The following COL4A5 variants were observed in gnomAD, a reference collection of about 807,000 sequenced individuals.
The protein encoded by COL4A5 is collagen type IV alpha 5 chain, also known as collagen alpha-5(IV) chain.
In COL4A5, 26 loss-of-function variants were observed where a neutral mutation model predicts 130.2. That is an observed-to-expected ratio of 0.20 (90% CI 0.15 to 0.28). The LOEUF (loss-of-function observed/expected upper bound fraction) is 0.28, where lower values mean the gene tolerates loss of function less well. Ranked by LOEUF, COL4A5 falls within the 10% of genes least tolerant of loss-of-function variation. The pLI, the probability that COL4A5 is intolerant of heterozygous loss-of-function variation, is 1.00. For synonymous variants in COL4A5, 496 were observed against 439.6 expected (o/e 1.13, Z -1.60); for missense variants, 1,131 against 1,344.3 (o/e 0.84, Z 2.48).
At chrX:108,636,480 C>T (rs2147894640) in intron 36 of COL4A5, among the ~76,000 whole-genome samples, 1 of 110,141 alleles carries the variant, frequency 9.1e-6, no homozygotes, top group African/African-American at 3.3e-5. Flanking sequence ...TTTTCTGTTG[C>T]AAATGATACC....
chrX:108,562,602 G>T (rs1347442552), intron 3 of COL4A5, among the ~76,000 whole-genome samples: 1 of 111,357 alleles, frequency 9.0e-6, no homozygotes, highest in Non-Finnish European at 1.9e-5. Flanking sequence ...AAGGTAAACT[G>T]CTTTCTAAAC....
Position 108,559,117 on chromosome X carries a change from A to G in COL4A5, c.195A>G (p.Pro65=), listed in dbSNP as rs772246749. 4 of 1,209,102 alleles carry G rather than the reference A, an allele frequency of 3.3e-6. No individual in the cohort carries two copies. Among genetic ancestry groups the G allele is most frequent in the East Asian group, 5.9e-5 (2 of 33,759 alleles). Residue 65 remains proline (P), a synonymous_variant, in exon 3 of 53, where the codon CCA becomes CCG. Coordinates refer to ENST00000328300, the MANE Select transcript of COL4A5 (RefSeq NM_033380.3). The part of the protein sequence containing the change: ...LEGHPGLPGF[P]GPEGPPGPRG... ...GACACCCAGGATTGCCTGGATTTCC[A>G]GGTCCAGAAGGGCCTCCGGGGCCTC...
chrX:108,472,009 C>T (rs1388528763), intron 1 of COL4A5, among the ~76,000 whole-genome samples: 1 of 111,631 alleles, frequency 9.0e-6, no homozygotes, highest in African/African-American at 3.2e-5. Flanking sequence ...TCCTTCACTA[C>T]ATCCCATAAT....
rs758701037 is a variant in COL4A5, at chrX:108,481,743, G to A, written c.81+41537G>A. On this transcript the variant is annotated intron_variant, in intron 1 of 52. Transcript: ENST00000328300. The stretch of plus-strand genomic sequence containing the variant: ...CATCGAATTTAAATTTTGTAGTTGA[G>A]TGACTGCAGTTCCCACCATTAGATC... Among the ~76,000 whole-genome samples the A allele has an allele frequency of 2.7e-5, 3 of 111,586 alleles. No individual in the cohort carries two copies. The South Asian group carries it at 1.1e-3, about 42-fold the overall frequency.
At chrX:108,691,824 A>G (rs1306108480) in intron 49 of COL4A5, among the ~76,000 whole-genome samples, 1 of 111,764 alleles carries the variant, frequency 8.9e-6, no homozygotes, top group Non-Finnish European at 1.9e-5. Context: ...ATTATATTGG[A>G]TGCATTTAAA....
At position 108,626,292 on chromosome X, in the gene COL4A5, C is replaced by T. The variant is rs768698527; in HGVS notation, c.3189C>T (p.Gly1063=). ...PGSPGLPGQK[G]DKGDPGISSI... ...CCCCAGGATTACCTGGACAGAAAGG[C>T]GACAAAGGTGATCCTGGTATTTCAA... is the stretch of plus-strand genomic sequence containing the variant. The change falls in exon 36 of 53, where the codon GGC becomes GGT. Residue 1063 remains glycine, a synonymous_variant. Transcript: ENST00000328300. The T allele has an allele frequency of 1.8e-5, 22 of 1,208,661 alleles. No homozygotes were observed. Among genetic ancestry groups the T allele is most frequent in the Non-Finnish European group, 2.2e-5 (20 of 894,529 alleles).
intron 2 of COL4A5, among the ~76,000 whole-genome samples, chrX:108,557,511 TA>T (rs1279344838): frequency 1.8e-5 from 2 of 111,843 alleles, no homozygotes; most frequent in African/African-American, 6.5e-5. Flanking sequence ...TTAGCTTCAT[TA>T]ACTTTGAAAT....
intron 1 of COL4A5, among the ~76,000 whole-genome samples, chrX:108,512,541 T>A (rs2065187436): frequency 9.0e-6 from 1 of 111,318 alleles, no homozygotes; most frequent in Admixed American, 9.6e-5. Context: ...TAATTTTTTT[T>A]ATTTTTTGAA....
chrX:108,509,450 C>A (rs1269532082), intron 1 of COL4A5, among the ~76,000 whole-genome samples: 2 of 111,997 alleles, frequency 1.8e-5, no homozygotes, highest in Admixed American at 1.9e-4. Flanking sequence ...ATTTAAAAAA[C>A]AAATTTACAA....
At chrX:108,632,155 G>T (rs1315720981) in intron 36 of COL4A5, among the ~76,000 whole-genome samples, 1 of 111,071 alleles carries the variant, frequency 9.0e-6, no homozygotes, top group Non-Finnish European at 1.9e-5. Context: ...TATCATCACC[G>T]ATCCCACAGA....
At chrX:108,475,031 G>A (rs770399533) in intron 1 of COL4A5, among the ~76,000 whole-genome samples, 2 of 111,389 alleles carry the variant, frequency 1.8e-5, no homozygotes, top group South Asian at 7.6e-4. Context: ...CTGGTAGTGT[G>A]ACACCTCCTG....
intron 6 of COL4A5, chrX:108,569,077 G>A (rs2066019665): frequency 3.2e-6 from 1 of 314,978 alleles, no homozygotes; most frequent in Admixed American, 5.3e-5. Flanking sequence ...GCATAAAGTA[G>A]GATGAGAATT....
At chrX:108,624,528 A>G (rs2067115532) in intron 34 of COL4A5, among the ~76,000 whole-genome samples, 194 bp downstream of exon 34, 1 of 111,710 alleles carries the variant, frequency 9.0e-6, no homozygotes, top group Non-Finnish European at 1.9e-5. Context: ...CAGATTTTAT[A>G]GGATATTTTG....
chrX:108,480,098 C>T (rs1457185122), intron 1 of COL4A5, among the ~76,000 whole-genome samples: 5 of 111,698 alleles, frequency 4.5e-5, no homozygotes, highest in African/African-American at 6.5e-5. Context: ...AGAGCCTTCT[C>T]GTGTTCCGGA....
intron 36 of COL4A5, among the ~76,000 whole-genome samples, chrX:108,643,477 A>G (rs1449471263): frequency 9.0e-6 from 1 of 111,666 alleles, no homozygotes; most frequent in African/African-American, 3.3e-5. Context: ...AGCACCAGGT[A>G]ACCTATAAAG....
intron 3 of COL4A5, among the ~76,000 whole-genome samples, chrX:108,561,714 G>C (rs960512539): frequency 2.1e-4 from 23 of 110,943 alleles, no homozygotes; most frequent in African/African-American, 5.9e-4. Flanking sequence ...AAATCAAATG[G>C]ATACTCACCA....
intron 1 of COL4A5, among the ~76,000 whole-genome samples, chrX:108,496,301 A>C (rs1349957043): frequency 1.8e-5 from 2 of 111,421 alleles, no homozygotes; most frequent in African/African-American, 6.5e-5. Flanking sequence ...TTTTTTCAAT[A>C]ATTTTACTTT....
chrX:108,530,370 T>A (rs1423597890), intron 1 of COL4A5, among the ~76,000 whole-genome samples: 2 of 109,969 alleles, frequency 1.8e-5, no homozygotes, highest in South Asian at 3.9e-4. Flanking sequence ...CTAATTAAAC[T>A]AAAGAGCTTC....
chrX:108,609,178 T>A (rs2066785357), intron 29 of COL4A5, among the ~76,000 whole-genome samples: 1 of 112,160 alleles, frequency 8.9e-6, no homozygotes, highest in African/African-American at 3.2e-5. Flanking sequence ...GGATCATAAG[T>A]GGATGCTTAG....
Sources: gnomAD v4.1 joint callset for allele counts (sites outside exome capture counted in the v4.1 genomes callset) on GRCh38, gnomAD v4.1.1 for gene constraint, MANE v1.5 for transcripts, NCBI Gene and HGNC (gene_info 2026-07-23, HGNC 2026-07-21) for gene names.